Variants in CACNA2D3 observed in about 807,000 individuals in gnomAD.
CACNA2D3 encodes voltage-dependent calcium channel subunit alpha-2/delta-3.
Under a neutral mutation model 160.6 loss-of-function variants are expected in CACNA2D3, and 60 were observed. The ratio of observed to expected loss-of-function variants is 0.37; its 90% CI spans 0.30 to 0.46. The LOEUF is 0.46. Among genes scored for constraint, CACNA2D3 ranks in the 20% least tolerant of loss-of-function variants. The probability of loss-of-function intolerance (pLI) is 1.00; values close to 1 mark genes in which losing one functional copy is unlikely to be tolerated. For synonymous variants in CACNA2D3, 558 were observed against 492.9 expected (o/e 1.13, Z -1.75); for missense variants, 1,205 against 1,365.0 (o/e 0.88, Z 1.85).
intron 2 of CACNA2D3, among the ~76,000 whole-genome samples, chr3:54,245,374 C>T (rs543697412): frequency 6.6e-6 from 1 of 151,674 alleles, no homozygotes; most frequent in South Asian, 2.1e-4. Context: ...AATGATTATT[C>T]CCTGGGGGAC....
chr3:54,802,045 T>C (rs1703001831), intron 13 of CACNA2D3, among the ~76,000 whole-genome samples: 1 of 152,236 alleles, frequency 6.6e-6, no homozygotes, highest in Non-Finnish European at 1.5e-5. Context: ...GTTTGTTTGC[T>C]TTTATTGACC....
intron 2 of CACNA2D3, among the ~76,000 whole-genome samples, chr3:54,235,193 A>T (rs111757505): frequency 9.2e-5 from 14 of 152,298 alleles, no homozygotes; most frequent in African/African-American, 3.4e-4. Context: ...AAACACAATG[A>T]TTAGTGTGTG....
chr3:54,410,603 T>A (rs998282147), intron 4 of CACNA2D3, among the ~76,000 whole-genome samples: 4 of 152,180 alleles, frequency 2.6e-5, no homozygotes, highest in African/African-American at 9.7e-5. Flanking sequence ...ACTGAATATT[T>A]TAAGCCTATT....
intron 14 of CACNA2D3, among the ~76,000 whole-genome samples, chr3:54,832,532 A>G (rs1703903858): frequency 6.6e-6 from 1 of 152,082 alleles, no homozygotes; most frequent in Non-Finnish European, 1.5e-5. Flanking sequence ...GAATGAAATC[A>G]CTCTGCGGCA....
intron 2 of CACNA2D3, among the ~76,000 whole-genome samples, chr3:54,241,904 G>T (rs1402177545): frequency 2.0e-5 from 3 of 152,138 alleles, no homozygotes; most frequent in Non-Finnish European, 2.9e-5. Context: ...ATGATGATAA[G>T]AATACCTGTG....
At chr3:54,172,158 C>T (rs1180390851) in intron 2 of CACNA2D3, among the ~76,000 whole-genome samples, 5 of 152,218 alleles carry the variant, frequency 3.3e-5, no homozygotes, top group Non-Finnish European at 7.3e-5. Context: ...ATTCACCACT[C>T]CACTCTCCCC....
intron 13 of CACNA2D3, among the ~76,000 whole-genome samples, chr3:54,809,154 C>T (rs1420072823): frequency 6.6e-6 from 1 of 151,818 alleles, no homozygotes; most frequent in African/African-American, 2.4e-5. Flanking sequence ...TACCAAGCTC[C>T]AAGGCCCTCC....
rs564331163 is a variant in CACNA2D3 at position 54,298,342 on chromosome 3, A to G, written c.205-22100A>G. Reference sequence around the variant, plus strand: ...CCAGGATCCTTTCTAGCACTCACACAGGGCATGTGCCGGGTTACGAGAAAT... The same window carrying G: ...CCAGGATCCTTTCTAGCACTCACACGGGGCATGTGCCGGGTTACGAGAAAT... On this transcript the variant is annotated intron_variant, in intron 2 of 37. Coordinates refer to ENST00000474759, the MANE Select transcript of CACNA2D3 (RefSeq NM_018398.3). 3.3e-5 allele frequency among the ~76,000 whole-genome samples: 5 copies of G among 152,394 alleles called. No individual in the cohort carries two copies. In the South Asian group the frequency reaches 1.0e-3, roughly 32 times the overall value.
Position 54,959,504 on chromosome 3 carries a change from A to G in CACNA2D3, c.2450-8946A>G, listed in dbSNP as rs929618903. ...TCCAACTCAGAGATGTTTGGCAACT[A>G]TATGTGGCTGTTCTATTATTATTGG... On this transcript the variant is annotated intron_variant, in intron 27 of 37. Transcript: ENST00000474759. Among the ~76,000 whole-genome samples, 5 of 132,350 alleles carry G rather than the reference A, an allele frequency of 3.8e-5. No homozygotes were observed. The East Asian group carries it at 7.6e-4, about 20-fold the overall frequency. 86.8% of individuals were successfully genotyped at this position (132,350 alleles called of 152,430 possible).
chr3:54,578,005 A>G (rs1247749489), intron 8 of CACNA2D3, among the ~76,000 whole-genome samples: 1 of 152,102 alleles, frequency 6.6e-6, no homozygotes, highest in Admixed American at 6.5e-5. Context: ...CCATTTCCTT[A>G]CCGTGTAGTT....
chr3:55,050,599 G>A (rs1257854926), intron 35 of CACNA2D3, among the ~76,000 whole-genome samples: 48 of 139,790 alleles, frequency 3.4e-4, no homozygotes, highest in Non-Finnish European at 5.9e-4. Context: ...TGCTCTTCTC[G>A]AGGAGTATCT....
At chr3:54,996,383 T>C (rs1445712020) in intron 31 of CACNA2D3, among the ~76,000 whole-genome samples, 1 of 152,204 alleles carries the variant, frequency 6.6e-6, no homozygotes, top group African/African-American at 2.4e-5. Flanking sequence ...CTAATTTCCA[T>C]GGGAGGGGCT....
chr3:54,673,937 G>T (rs75033821), intron 11 of CACNA2D3, among the ~76,000 whole-genome samples: 2,499 of 152,294 alleles, frequency 0.016, 58 homozygotes, highest in African/African-American at 0.055. Context: ...AAAGCCTCAT[G>T]TGTCTCTAGA....
intron 2 of CACNA2D3, among the ~76,000 whole-genome samples, chr3:54,192,538 G>C (rs902895801): frequency 6.6e-6 from 1 of 152,196 alleles, no homozygotes; most frequent in Non-Finnish European, 1.5e-5. Flanking sequence ...AGTACATGCT[G>C]TAGAGCATTG....
At chr3:54,673,043 A>G (rs1559545443) in intron 11 of CACNA2D3, among the ~76,000 whole-genome samples, 1 of 151,914 alleles carries the variant, frequency 6.6e-6, no homozygotes, top group Non-Finnish European at 1.5e-5. Context: ...CAAGATTCTG[A>G]GACTACACAT....
intron 30 of CACNA2D3, 36 bp downstream of exon 30, chr3:54,984,706 T>C (rs773116298): frequency 4.1e-5 from 55 of 1,328,808 alleles, no homozygotes; most frequent in Non-Finnish European, 5.6e-5. Context: ...CAAGTAAGGA[T>C]CTCAGAATGT....
chr3:54,460,666 A>G (rs556304890), intron 4 of CACNA2D3, among the ~76,000 whole-genome samples: 1 of 152,248 alleles, frequency 6.6e-6, no homozygotes, highest in South Asian at 2.1e-4. Flanking sequence ...CAGCTTAAGG[A>G]GATTTTGGGC....
At chr3:55,063,646 G>A (rs912459689) in intron 35 of CACNA2D3, among the ~76,000 whole-genome samples, 38 of 152,228 alleles carry the variant, frequency 2.5e-4, no homozygotes, top group African/African-American at 8.4e-4. Context: ...CTTTGGGGCT[G>A]GGATGGTTGA....
At chr3:54,818,563 CACTT>C (rs1703514552) in intron 14 of CACNA2D3, among the ~76,000 whole-genome samples, 4 of 152,214 alleles carry the variant, frequency 2.6e-5, no homozygotes, top group Admixed American at 2.6e-4. Context: ...ACTTCAGTAG[CACTT>C]ACTTCATTGC....
Sources: gnomAD v4.1 joint callset for allele counts (sites outside exome capture counted in the v4.1 genomes callset) on GRCh38, gnomAD v4.1.1 for gene constraint, MANE v1.5 for transcripts, NCBI Gene and HGNC (gene_info 2026-07-23, HGNC 2026-07-21) for gene names.